C2orf80: variants seen among roughly 807,000 people sequenced by gnomAD.
C2orf80 encodes the protein uncharacterized protein C2orf80.
In C2orf80, 28 loss-of-function variants were observed where a neutral mutation model predicts 30.2. The ratio of observed to expected loss-of-function variants is 0.93; its 90% CI spans 0.69 to 1.27. C2orf80 has a LOEUF of 1.27. Among genes scored for constraint, C2orf80 ranks in the 50% most tolerant of loss-of-function variants. C2orf80 has a pLI of 0.00. For synonymous variants in C2orf80, 80 were observed against 76.4 expected (o/e 1.05, Z -0.24); for missense variants, 220 against 231.0 (o/e 0.95, Z 0.31).
In C2orf80 at chr2:208,189,759, A is replaced by T. The variant is rs546737407; in HGVS notation, c.-76+194T>A. The T allele has an allele frequency of 1.1e-4, 65 of 589,568 alleles. No individual in the cohort carries two copies. In the African/African-American group the frequency reaches 1.2e-3, roughly 11 times the overall value. 36.5% of individuals were successfully genotyped at this position (589,568 alleles called of 1,614,324 possible). On this transcript the variant is annotated intron_variant, in intron 1 of 8. Coordinates refer to ENST00000341287, the MANE Select transcript of C2orf80 (RefSeq NM_001099334.3). The stretch of plus-strand genomic sequence containing the variant: ...GTACTGGAAAGATGTCAGCTGTCTC[A>T]GGCTTTAGCTGTTTCATAGAAACAA...
chr2:208,176,996 C>T (rs1016101738), intron 6 of C2orf80, among the ~76,000 whole-genome samples: 355 of 12,404 alleles, frequency 0.029, no homozygotes, highest in African/African-American at 0.074. Context: ...TATATGTATA[C>T]ATATATACAT....
Position 208,180,751 on chromosome 2 carries a change from G to A in C2orf80, c.360C>T (p.Thr120=), listed in dbSNP as rs760905873. 6.2e-6 allele frequency: 10 copies of A among 1,613,114 alleles called. No individual in the cohort carries two copies. In the South Asian group the frequency reaches 1.1e-4, roughly 18 times the overall value. ...YGADSSADSG[T]IKVPRVSSLC... ...AATCCCAGGTCACCCTTACCTTGATGGTACCAGAATCGGCAGAAGAATCAG... is the reference window on the plus strand; with the variant it reads ...AATCCCAGGTCACCCTTACCTTGATAGTACCAGAATCGGCAGAAGAATCAG... The change falls in exon 6 of 9, where the codon ACC becomes ACT. Residue 120 remains threonine (T), a synonymous_variant. Coordinates refer to ENST00000341287, the MANE Select transcript of C2orf80 (RefSeq NM_001099334.3).
chr2:208,171,060 A>T lies in C2orf80; in HGVS notation c.458T>A (p.Val153Asp). ...KAAAYARKQS[V>D]KSRKVTTNKN... ...ATTTGTTGTTACCTTTCTTGACTTG[A>T]CACCTACAGACAGATGCAGTAACCA... Residue 153 changes from valine (V) to aspartate (D), a missense_variant, in exon 8 of 9, where the codon GTC becomes GAC. Val to Asp is a radical substitution (Grantham distance 152). Coordinates refer to ENST00000341287, the MANE Select transcript of C2orf80 (RefSeq NM_001099334.3). 6.2e-7 allele frequency: 1 copy of T among 1,607,754 alleles called. No homozygotes were observed. Among genetic ancestry groups the T allele is most frequent in the Non-Finnish European group, 8.5e-7 (1 of 1,174,156 alleles).
chr2:208,167,695 G>A (rs984577929), intron 8 of C2orf80, among the ~76,000 whole-genome samples: 16 of 151,840 alleles, frequency 1.1e-4, no homozygotes, highest in Admixed American at 9.8e-4. Context: ...TCATGCCTCA[G>A]TCTCCCTAGT....
chr2:208,169,235 T>G (rs543832142), intron 8 of C2orf80, among the ~76,000 whole-genome samples: 2 of 149,318 alleles, frequency 1.3e-5, no homozygotes, highest in African/African-American at 4.9e-5. Context: ...AGAGATCTTT[T>G]TGTGTGTGTG....
chr2:208,171,162 T>C (rs1333770131), intron 7 of C2orf80, 99 bp from the exon 8 acceptor site: 3 of 843,532 alleles, frequency 3.6e-6, no homozygotes, highest in East Asian at 2.5e-5. Flanking sequence ...TTAATTATTT[T>C]TGAGACAGGG....
chr2:208,176,950 T>TATGTATAC, intron 6 of C2orf80, among the ~76,000 whole-genome samples: 2 of 32,890 alleles, frequency 6.1e-5, no homozygotes, highest in African/African-American at 2.0e-4. Context: ...TCTGTATACA[T>TATGTATAC]ATCTGTATAC....
intron 7 of C2orf80, 110 bp downstream of exon 7, chr2:208,171,878 A>G: frequency 1.1e-6 from 1 of 926,000 alleles, no homozygotes. Flanking sequence ...ATTCAACCAG[A>G]CATAGAAATC....
chr2:208,189,017 A>G (rs879867780), intron 1 of C2orf80, among the ~76,000 whole-genome samples: 7 of 152,184 alleles, frequency 4.6e-5, no homozygotes, highest in Non-Finnish European at 1.0e-4. Context: ...TCCCAGCCTC[A>G]GGTGTTATCC....
chr2:208,189,944 A>G lies in C2orf80; in HGVS notation c.-76+9T>C, dbSNP rs1439271392. ...GCTCTTAACAAATTCCCCTTTGAGA[A>G]TCGCTCACCAACCGGAGACCGGTTC... On this transcript the variant is annotated intron_variant, in intron 1 of 8. Coordinates refer to ENST00000341287, the MANE Select transcript of C2orf80 (RefSeq NM_001099334.3). The G allele has an allele frequency of 1.4e-6, 1 of 702,808 alleles. No individual in the cohort carries two copies. Among genetic ancestry groups the G allele is most frequent in the Non-Finnish European group, 2.6e-6 (1 of 384,974 alleles). The allele number at this position is 702,808 out of a possible 1,614,324, so 43.5% of individuals were successfully genotyped here.
chr2:208,181,232 C>T lies in C2orf80; in HGVS notation c.280G>A (p.Ala94Thr). The change falls in exon 5 of 9, where the codon GCT (alanine) becomes ACT (threonine). Residue 94 changes from alanine (A) to threonine (T), a missense_variant. Transcript: ENST00000341287. ...CTTTTCCTTACCATTAAGATTCCAG[C>T]ATAAGATGATAAAATCATAGCTTCT... The part of the protein sequence containing the change: ...EREAMILSSY[A>T]GILMNSIPIE... 2.5e-6 allele frequency: 4 copies of T among 1,604,778 alleles called. No homozygotes were observed. The highest frequency in any genetic ancestry group is 3.4e-6 in the Non-Finnish European group (4 of 1,171,766).
chr2:208,182,314 T>C (rs976282496), intron 4 of C2orf80, among the ~76,000 whole-genome samples: 1 of 152,240 alleles, frequency 6.6e-6, no homozygotes, highest in Non-Finnish European at 1.5e-5. Flanking sequence ...ATTTGTTTGG[T>C]AGTCCTTAGG....
At chr2:208,181,405 T>C (rs1461521030) in intron 4 of C2orf80, 100 bp from the exon 5 acceptor site, 4 of 687,382 alleles carry the variant, frequency 5.8e-6, no homozygotes, top group Non-Finnish European at 1.0e-5. Flanking sequence ...GCAATGGCTG[T>C]GTGCTATCTG....
At chr2:208,171,493 G>A (rs1219460401) in intron 7 of C2orf80, among the ~76,000 whole-genome samples, 1 of 152,054 alleles carries the variant, frequency 6.6e-6, no homozygotes, top group Non-Finnish European at 1.5e-5. Context: ...GCTAATTTTT[G>A]TATTTTTAGT....
chr2:208,171,201 A>C, intron 7 of C2orf80, 138 bp from the exon 8 acceptor site: 1 of 648,824 alleles, frequency 1.5e-6, no homozygotes, highest in South Asian at 1.9e-5. Flanking sequence ...GCTGGAGTGC[A>C]GTGGTTCCAT....
At chr2:208,171,170 G>A in intron 7 of C2orf80, 107 bp from the exon 8 acceptor site, 2 of 796,164 alleles carry the variant, frequency 2.5e-6, no homozygotes, top group Non-Finnish European at 4.1e-6. Flanking sequence ...TTTTGAGACA[G>A]GGTCTCACTT....
At chr2:208,189,139 A>T (rs555560619) in intron 1 of C2orf80, among the ~76,000 whole-genome samples, 1 of 152,200 alleles carries the variant, frequency 6.6e-6, no homozygotes, top group East Asian at 1.9e-4. Context: ...GTTTGGAAAA[A>T]CATTTGTTGC....
intron 1 of C2orf80, among the ~76,000 whole-genome samples, chr2:208,188,256 T>C (rs1244520514): frequency 6.6e-6 from 1 of 152,146 alleles, no homozygotes; most frequent in Non-Finnish European, 1.5e-5. Context: ...TTTGTACTTT[T>C]AAAATTGTAC....
chr2:208,175,468 G>A (rs1476059269), intron 6 of C2orf80, among the ~76,000 whole-genome samples: 1 of 152,184 alleles, frequency 6.6e-6, no homozygotes, highest in Admixed American at 6.5e-5. Context: ...GAGGCTAACA[G>A]AGTAGGTGAG....
Sources: gnomAD v4.1 joint callset for allele counts (sites outside exome capture counted in the v4.1 genomes callset) on GRCh38, gnomAD v4.1.1 for gene constraint, MANE v1.5 for transcripts, NCBI Gene and HGNC (gene_info 2026-07-23, HGNC 2026-07-21) for gene names.